SMG1: variants seen among roughly 807,000 people sequenced by gnomAD.
SMG1 encodes SMG1 nonsense mediated mRNA decay associated PI3K related kinase.
Under a neutral mutation model 419.9 loss-of-function variants are expected in SMG1, and 22 were observed. That is an observed-to-expected ratio of 0.05 (90% CI 0.04 to 0.07). The LOEUF (loss-of-function observed/expected upper bound fraction) is 0.07, where lower values mean the gene tolerates loss of function less well. Among genes scored for constraint, SMG1 ranks in the 10% least tolerant of loss-of-function variants. SMG1 has a pLI of 1.00. For synonymous variants in SMG1, 1,538 were observed against 1,553.5 expected, an observed-to-expected ratio of 0.99 and a Z score of 0.23; for missense variants, 3,185 against 4,342.0, an observed-to-expected ratio of 0.73 and a Z score of 7.49.
In SMG1 at chr16:18,839,182, A is replaced by T. The variant is rs546266279; in HGVS notation, c.6946-493T>A. On this transcript the variant is annotated intron_variant, in intron 42 of 62. Coordinates refer to ENST00000446231, the MANE Select transcript of SMG1 (RefSeq NM_015092.5). ...TTAAATTTAAATATTGATTTTATTT[A>T]AAAAAATTTTTTTCCTTCTAACTTT... Among the ~76,000 whole-genome samples the T allele has an allele frequency of 1.9e-3, 283 of 152,206 alleles. 1 individual carries two copies. Among genetic ancestry groups the T allele is most frequent in the Non-Finnish European group, 3.5e-3 (236 of 68,002 alleles).
rs1343278664 is a variant in SMG1, at chr16:18,869,025, C to CT, written c.2833+78dup. ...TCAAAAAAATCATATACTCTCAAAT[C>CT]TTTAACAAAGATTTAAGAATCCAGT... On this transcript the variant is annotated intron_variant, in intron 20 of 62. Coordinates refer to ENST00000446231, the MANE Select transcript of SMG1 (RefSeq NM_015092.5). 3 of 1,311,838 alleles carry CT rather than the reference C, an allele frequency of 2.3e-6. No homozygotes were observed. The African/African-American group carries it at 4.4e-5, about 19-fold the overall frequency. 81.3% of individuals were successfully genotyped at this position (1,311,838 alleles called of 1,614,324 possible).
Position 18,850,252 on chromosome 16 carries a change from T to C in SMG1, c.5268A>G (p.Lys1756=). The C allele has an allele frequency of 6.2e-7, 1 of 1,610,700 alleles. No homozygotes were observed. The highest frequency in any genetic ancestry group is 8.5e-7 in the Non-Finnish European group (1 of 1,177,970). The part of the protein sequence containing the change: ...LSCSAYFTFL[K]LNAGQIPLDE... ...TGCTACATACTTGACCAGCGTTGAG[T>C]TTAAGGAAAGTAAAGTATGCACTGC... The change falls in exon 34 of 63, where the codon AAA becomes AAG. Residue 1756 remains lysine, a synonymous_variant. Coordinates refer to ENST00000446231, the MANE Select transcript of SMG1 (RefSeq NM_015092.5).
chr16:18,877,769 T>G (rs1037230010), intron 11 of SMG1: 1 of 152,968 alleles, frequency 6.5e-6, no homozygotes, highest in African/African-American at 2.4e-5. Context: ...ATATCTAAGC[T>G]ATATTTTAAG....
intron 29 of SMG1, chr16:18,857,764 T>C (rs1174556045): frequency 2.0e-4 from 31 of 155,076 alleles, no homozygotes; most frequent in Admixed American, 1.9e-3. Flanking sequence ...AACTGGGGTA[T>C]ATACATACAA....
intron 1 of SMG1, among the ~76,000 whole-genome samples, chr16:18,920,401 G>T (rs1185898256): frequency 2.1e-5 from 3 of 140,970 alleles, no homozygotes; most frequent in Admixed American, 7.2e-5. Flanking sequence ...AAAAAAAAAA[G>T]TTGGGGTGAG....
intron 1 of SMG1, among the ~76,000 whole-genome samples, chr16:18,907,183 G>A (rs2037596276): frequency 6.6e-6 from 1 of 151,958 alleles, no homozygotes; most frequent in Non-Finnish European, 1.5e-5. Flanking sequence ...TCAGGAGGCT[G>A]AGGCAGGAGA....
In SMG1 at chr16:18,850,280, G is replaced by C. The variant is rs748562792; in HGVS notation, c.5240C>G (p.Ser1747Cys). ...VDRIFSLYKL[S>C]CSAYFTFLKL... ...AAGGAAAGTAAAGTATGCACTGCAA[G>C]AGAGTTTGTACAGGCTGAATATTCT... Residue 1747 changes from serine to cysteine, a missense_variant, in exon 34 of 63, where the codon TCT becomes TGT. By Grantham distance (112) the Ser-to-Cys change is moderately radical. This residue lies in a region of SMG1 where 493 missense variants were observed against 552.9 expected (regional missense o/e 0.89). Transcript: ENST00000446231. The C allele has an allele frequency of 6.2e-7, 1 of 1,613,304 alleles. No homozygotes were observed. Among genetic ancestry groups the C allele is most frequent in the East Asian group, 2.2e-5 (1 of 44,870 alleles).
At chr16:18,885,235 C>T (rs2036565331) in intron 7 of SMG1, 73 bp from the exon 8 acceptor site, 10 of 689,330 alleles carry the variant, frequency 1.5e-5, no homozygotes, top group Middle Eastern at 4.0e-4. Context: ...GACCATTTCA[C>T]AGCAAAAGAT....
At chr16:18,811,925 G>T in intron 61 of SMG1, 23 bp downstream of exon 61, 1 of 1,612,412 alleles carries the variant, frequency 6.2e-7, no homozygotes, top group East Asian at 2.2e-5. Context: ...AAAATTTAAG[G>T]CATCTTTATT....
chr16:18,908,202 C>T (rs1457417799), intron 1 of SMG1, among the ~76,000 whole-genome samples: 1 of 151,764 alleles, frequency 6.6e-6, no homozygotes, highest in Non-Finnish European at 1.5e-5. Flanking sequence ...CCAGTCTCTA[C>T]TAAAAATACA....
intron 22 of SMG1, 34 bp from the exon 23 acceptor site, chr16:18,866,809 T>C: frequency 6.3e-7 from 1 of 1,577,472 alleles, no homozygotes; most frequent in Non-Finnish European, 8.6e-7. Flanking sequence ...AGTCACCCAA[T>C]ACCATTAAAA....
chr16:18,852,486 A>G, intron 31 of SMG1, 24 bp from the exon 32 acceptor site: 2 of 1,474,768 alleles, frequency 1.4e-6, no homozygotes, highest in Non-Finnish European at 1.8e-6. Context: ...CAAAAAAATA[A>G]TTATAATAAA....
Position 18,805,892 on chromosome 16 carries a change from T to A in SMG1, c.*3677A>T, listed in dbSNP as rs2030786458. 6.6e-6 allele frequency: 1 copy of A among 152,636 alleles called. No homozygotes were observed. Among genetic ancestry groups the A allele is most frequent in the Non-Finnish European group, 1.5e-5 (1 of 68,046 alleles). 9.5% of individuals were successfully genotyped at this position (152,636 alleles called of 1,614,324 possible). A position where few individuals can be genotyped will look rare whatever the true frequency, so the allele number is the denominator to read the frequency against. On this transcript the variant is annotated 3_prime_UTR_variant, in exon 63 of 63. Transcript: ENST00000446231. ...TAGTAAAGCATTCACTGATATTTGA[T>A]GTATCTGAATAGGACTAACAGGCTA...
intron 1 of SMG1, among the ~76,000 whole-genome samples, chr16:18,912,470 C>A (rs1244419091): frequency 2.0e-4 from 31 of 151,818 alleles, no homozygotes; most frequent in African/African-American, 4.8e-5. Context: ...TTACGTTGTA[C>A]CCTATGTGTA....
intron 1 of SMG1, among the ~76,000 whole-genome samples, chr16:18,903,998 C>T (rs112465627): frequency 0.014 from 1,861 of 135,722 alleles, 35 homozygotes; most frequent in African/African-American, 0.047. Flanking sequence ...AGTGCGGTGA[C>T]GTGATCTCGA....
At position 18,855,026 on chromosome 16, in the gene SMG1, C is replaced by T; in HGVS notation, c.4235-122G>A. 4 of 901,528 alleles carry T rather than the reference C, an allele frequency of 4.4e-6. No individual in the cohort carries two copies. In the South Asian group the frequency reaches 6.8e-5, roughly 15 times the overall value. 55.8% of individuals were successfully genotyped at this position (901,528 alleles called of 1,614,324 possible). A position where few individuals can be genotyped will look rare whatever the true frequency, so the allele number is the denominator to read the frequency against. On this transcript the variant is annotated intron_variant, in intron 29 of 62. Coordinates refer to ENST00000446231, the MANE Select transcript of SMG1 (RefSeq NM_015092.5). ...GCACCACCTCCTGAAACAAAGATAA[C>T]TCATCCTCAAATCCCTAGCAGCTAG...
chr16:18,879,434 A>G (rs1363662224), intron 11 of SMG1, 61 bp downstream of exon 11: 9 of 1,222,946 alleles, frequency 7.4e-6, no homozygotes, highest in African/African-American at 3.0e-5. Flanking sequence ...AATTTCTTAC[A>G]TATCGATTTA....
rs71141092 is a variant in SMG1 at position 18,907,845 on chromosome 16, C to CAAAAAA, written c.93-10895_93-10890dup. The stretch of plus-strand genomic sequence containing the variant: ...CCCACCTAGGCGACAGAACGAGACT[C>CAAAAAA]AAAAAAAAAAAAAAAAAAAAAAAAG... On this transcript the variant is annotated intron_variant, in intron 1 of 62. Coordinates refer to ENST00000446231, the MANE Select transcript of SMG1 (RefSeq NM_015092.5). Among the ~76,000 whole-genome samples the CAAAAAA allele has an allele frequency of 1.3e-3, 71 of 54,950 alleles. 1 individual carries two copies. Among genetic ancestry groups the CAAAAAA allele is most frequent in the African/African-American group, 1.5e-3 (23 of 15,184 alleles). 36.0% of individuals were successfully genotyped at this position (54,950 alleles called of 152,430 possible). A position where few individuals can be genotyped will look rare whatever the true frequency, so the allele number is the denominator to read the frequency against.
At position 18,812,047 on chromosome 16, in the gene SMG1, C is replaced by A; in HGVS notation, c.10702G>T (p.Ala3568Ser). The change falls in exon 61 of 63, where the codon GCT becomes TCT. Residue 3568 changes from alanine (A) to serine (S), a missense_variant. Ala to Ser is a moderately conservative substitution (Grantham distance 99). Transcript: ENST00000446231. ...NARKLIQKNL[A>S]TSADTPPSTV... ...CTTGGTGGAGTATCAGCTGATGTAG[C>A]AAGATTTTTTTGGATCAGCTTTCTA... The A allele has an allele frequency of 6.2e-7, 1 of 1,613,904 alleles. No homozygotes were observed. The highest frequency in any genetic ancestry group is 8.5e-7 in the Non-Finnish European group (1 of 1,179,860).
Sources: allele counts gnomAD v4.1 joint callset (sites outside exome capture counted in the v4.1 genomes callset), GRCh38; gene constraint gnomAD v4.1.1; regional missense constraint gnomAD v4.1.1; transcripts MANE v1.5; gene names NCBI Gene and HGNC (gene_info 2026-07-23, HGNC 2026-07-21).